The following CNOT6L variants were observed in gnomAD, a reference collection of about 807,000 sequenced individuals.
The protein encoded by CNOT6L is CCR4-NOT transcription complex subunit 6-like.
A neutral mutation model predicts 64.0 loss-of-function variants in CNOT6L; 7 were observed. The ratio of observed to expected loss-of-function variants is 0.11; its 90% CI spans 0.06 to 0.21. The LOEUF is 0.21. Ranked by LOEUF, CNOT6L falls within the 10% of genes least tolerant of loss-of-function variation. CNOT6L has a pLI of 1.00. For missense variants in CNOT6L, 245 were observed against 669.0 expected, an observed-to-expected ratio of 0.37 and a Z score of 6.99; for synonymous variants, 193 against 243.4, an observed-to-expected ratio of 0.79 and a Z score of 1.93.
intron 1 of CNOT6L, among the ~76,000 whole-genome samples, chr4:77,785,495 T>C (rs1191330105): frequency 6.6e-6 from 1 of 151,760 alleles, no homozygotes; most frequent in Non-Finnish European, 1.5e-5. Flanking sequence ...GGTTTAAGAA[T>C]AAATATTTGC....
intron 5 of CNOT6L, 130 bp downstream of exon 5, chr4:77,756,732 G>A (rs1327319770): frequency 2.5e-5 from 14 of 555,746 alleles, no homozygotes; most frequent in Non-Finnish European, 3.5e-5. Flanking sequence ...ACTAACGTAG[G>A]ATATACAATG....
At chr4:77,813,579 T>C (rs971358852) in intron 1 of CNOT6L, among the ~76,000 whole-genome samples, 3 of 152,074 alleles carry the variant, frequency 2.0e-5, no homozygotes, top group African/African-American at 7.2e-5. Flanking sequence ...AAAAACTCAT[T>C]ATAAAAATGG....
At chr4:77,756,615 G>GT (rs1250153027) in intron 5 of CNOT6L, among the ~76,000 whole-genome samples, 4 of 152,178 alleles carry the variant, frequency 2.6e-5, no homozygotes, top group Admixed American at 2.6e-4. Flanking sequence ...TAAACTGTGA[G>GT]TTAAAGTTCC....
At chr4:77,744,912 G>GA in intron 6 of CNOT6L, 37 bp from the exon 7 acceptor site, 3 of 1,563,296 alleles carry the variant, frequency 1.9e-6, no homozygotes, top group Non-Finnish European at 2.6e-6. Flanking sequence ...ACAAACGGGA[G>GA]AAAATTAGGC....
intron 1 of CNOT6L, among the ~76,000 whole-genome samples, chr4:77,788,091 A>G (rs17002807): frequency 0.032 from 4,935 of 152,284 alleles, 261 homozygotes; most frequent in African/African-American, 0.11. Flanking sequence ...ACATTCCACA[A>G]TTTGGCAAAA....
At position 77,714,438 on chromosome 4, in the gene CNOT6L, TAAAAAAAAA is replaced by T. The variant is rs201499481; in HGVS notation, c.*5984_*5992del. On this transcript the variant is annotated 3_prime_UTR_variant, in exon 12 of 12. Transcript: ENST00000504123. ...AGAAAAAGTACATACACACTCTCTT[TAAAAAAAAA>T]AAAAAAAAAAAAAAAAAAAAAAAAA... 8.9e-5 allele frequency: 12 copies of T among 134,664 alleles called. No individual in the cohort carries two copies. The highest frequency in any genetic ancestry group is 3.0e-4 in the African/African-American group (10 of 33,728). The allele number at this position is 134,664 out of a possible 1,614,324, so 8.3% of individuals were successfully genotyped here.
chr4:77,759,293 C>T (rs1261839526), intron 4 of CNOT6L, among the ~76,000 whole-genome samples: 3 of 151,368 alleles, frequency 2.0e-5, no homozygotes, highest in South Asian at 4.2e-4. Context: ...TGGCTGGGCA[C>T]GGTGGCTCAC....
At chr4:77,805,130 G>C (rs13137909) in intron 1 of CNOT6L, among the ~76,000 whole-genome samples, 119,670 of 152,022 alleles carry the variant, frequency 0.79, 47,967 homozygotes, top group Non-Finnish European at 0.86. Context: ...CAAGGGTCAT[G>C]GAGCCAATCC....
At position 77,713,517 on chromosome 4, in the gene CNOT6L, A is replaced by G. The variant is rs1393069002; in HGVS notation, c.*6914T>C. On this transcript the variant is annotated 3_prime_UTR_variant, in exon 12 of 12. Coordinates refer to ENST00000504123, the MANE Select transcript of CNOT6L (RefSeq NM_144571.3). Reference sequence around the variant, plus strand: ...CATGTGTGAGCAGTAACCAATCTCCAAAATGGAAAAAAATATTTTGTTATC... The same window carrying G: ...CATGTGTGAGCAGTAACCAATCTCCGAAATGGAAAAAAATATTTTGTTATC... 2 of 152,602 alleles carry G rather than the reference A, an allele frequency of 1.3e-5. No homozygotes were observed. Among genetic ancestry groups the G allele is most frequent in the East Asian group, 3.9e-4 (2 of 5,192 alleles). 9.5% of individuals were successfully genotyped at this position (152,602 alleles called of 1,614,324 possible).
At chr4:77,786,643 A>G (rs1054002205) in intron 1 of CNOT6L, among the ~76,000 whole-genome samples, 2 of 151,258 alleles carry the variant, frequency 1.3e-5, no homozygotes, top group Non-Finnish European at 2.9e-5. Context: ...CGCCTGGCTA[A>G]TTTTTGTATT....
intron 1 of CNOT6L, among the ~76,000 whole-genome samples, chr4:77,812,483 A>G (rs1733072417): frequency 6.6e-6 from 1 of 151,394 alleles, no homozygotes; most frequent in South Asian, 2.1e-4. Context: ...AAATTCAGCA[A>G]GGTTGGAGGA....
In CNOT6L at chr4:77,777,169, T is replaced by C. The variant is rs1254683284; in HGVS notation, c.6-777A>G. Among the ~76,000 whole-genome samples the C allele has an allele frequency of 5.3e-5, 8 of 152,266 alleles. No homozygotes were observed. The East Asian group carries it at 1.5e-3, about 29-fold the overall frequency. On this transcript the variant is annotated intron_variant, in intron 1 of 11. Transcript: ENST00000504123. ...AATTAGTATGAGTACATATCTTAGT[T>C]TGCCTGGGTCAGTCTTGGTTTATAT...
intron 5 of CNOT6L, among the ~76,000 whole-genome samples, chr4:77,755,223 GTTTTTTTTTTTTTTTTTTTTT>G (rs869054667): frequency 2.8e-5 from 2 of 70,392 alleles, no homozygotes; most frequent in African/African-American, 6.1e-5. Context: ...AGAGACAAGA[GTTTTTTTTTTTTTTTTTTTTT>G]TTTTTTTTTT....
At chr4:77,740,989 A>T (rs182199154) in intron 8 of CNOT6L, among the ~76,000 whole-genome samples, 1 of 152,316 alleles carries the variant, frequency 6.6e-6, no homozygotes, top group East Asian at 1.9e-4. Flanking sequence ...GTGTAAGTGC[A>T]CTTCATGATG....
intron 4 of CNOT6L, among the ~76,000 whole-genome samples, chr4:77,771,967 G>A (rs185048984): frequency 4.1e-4 from 63 of 152,266 alleles, no homozygotes; most frequent in Admixed American, 4.1e-3. Context: ...ACTCTTGTAT[G>A]CTATGCCATA....
intron 1 of CNOT6L, among the ~76,000 whole-genome samples, chr4:77,817,678 T>A (rs556485435): frequency 6.6e-6 from 1 of 152,212 alleles, no homozygotes; most frequent in Non-Finnish European, 1.5e-5. Context: ...ACTAACTACG[T>A]ATGTTAAATT....
intron 8 of CNOT6L, among the ~76,000 whole-genome samples, chr4:77,738,029 T>C (rs994957060): frequency 1.2e-4 from 19 of 152,098 alleles, no homozygotes; most frequent in African/African-American, 4.3e-4. Flanking sequence ...GGAATGATAC[T>C]ATGACCTCTG....
At chr4:77,745,321 T>C (rs576060954) in intron 6 of CNOT6L, among the ~76,000 whole-genome samples, 39 of 152,228 alleles carry the variant, frequency 2.6e-4, no homozygotes, top group Non-Finnish European at 5.6e-4. Flanking sequence ...CAGAAGAGTA[T>C]GGACTAACAA....
chr4:77,716,231 C>A lies in CNOT6L; in HGVS notation c.*4200G>T, dbSNP rs1720734625. On this transcript the variant is annotated 3_prime_UTR_variant, in exon 12 of 12. Transcript: ENST00000504123. ...CTATTTTGAAAATGTGCCATAAAGT[C>A]TTTGCTTGCTATAAAAACCATTATT... 6.6e-6 allele frequency: 1 copy of A among 152,038 alleles called. No homozygotes were observed. Among genetic ancestry groups the A allele is most frequent in the Admixed American group, 6.6e-5 (1 of 15,232 alleles). 9.4% of individuals were successfully genotyped at this position (152,038 alleles called of 1,614,324 possible). A position where few individuals can be genotyped will look rare whatever the true frequency, so the allele number is the denominator to read the frequency against.
Sources: allele counts gnomAD v4.1 joint callset (sites outside exome capture counted in the v4.1 genomes callset), GRCh38; gene constraint gnomAD v4.1.1; transcripts MANE v1.5; gene names NCBI Gene and HGNC (gene_info 2026-07-23, HGNC 2026-07-21).